NTRK2: variants seen among roughly 807,000 people sequenced by gnomAD.
NTRK2 encodes neurotrophic receptor tyrosine kinase 2.
NTRK2 carries 13 observed loss-of-function variants against 94.5 expected under a neutral mutation model. The observed-to-expected ratio is 0.14, with a 90% confidence interval of 0.09 to 0.22. The LOEUF (loss-of-function observed/expected upper bound fraction) is 0.22. Among genes scored for constraint, NTRK2 ranks in the 10% least tolerant of loss-of-function variants. The pLI, the probability that NTRK2 is intolerant of heterozygous loss-of-function variation, is 1.00. For missense variants in NTRK2, 639 were observed against 1,071.2 expected (o/e 0.60, Z 5.63); for synonymous variants, 372 against 407.4 (o/e 0.91, Z 1.05).
intron 12 of NTRK2, among the ~76,000 whole-genome samples, chr9:84,835,860 C>G (rs1330079871): frequency 6.6e-6 from 1 of 152,136 alleles, no homozygotes; most frequent in Non-Finnish European, 1.5e-5. Flanking sequence ...CGGCATTTCC[C>G]CTGCAATGCC....
chr9:84,754,190 C>A (rs1449512092), intron 12 of NTRK2, among the ~76,000 whole-genome samples: 1 of 151,868 alleles, frequency 6.6e-6, no homozygotes, highest in East Asian at 1.9e-4. Context: ...TTAACCCTGC[C>A]ACAGAGCCAG....
At chr9:84,711,999 T>C (rs1052462582) in intron 6 of NTRK2, among the ~76,000 whole-genome samples, 6 of 152,240 alleles carry the variant, frequency 3.9e-5, no homozygotes, top group African/African-American at 7.2e-5. Context: ...GTAACTGTTC[T>C]CTGTTCTGGT....
chr9:84,857,354 T>G (rs1384860232), intron 12 of NTRK2, among the ~76,000 whole-genome samples: 1 of 152,170 alleles, frequency 6.6e-6, no homozygotes, highest in Admixed American at 6.5e-5. Flanking sequence ...TATTTTGCAG[T>G]GAATAAAGTG....
chr9:84,759,410 T>C (rs972936328), intron 12 of NTRK2, among the ~76,000 whole-genome samples: 1 of 152,262 alleles, frequency 6.6e-6, no homozygotes, highest in Non-Finnish European at 1.5e-5. Flanking sequence ...GCCTTTAGCC[T>C]TGTAGGTGGA....
intron 16 of NTRK2, among the ~76,000 whole-genome samples, chr9:84,950,681 G>A (rs1018387020): frequency 6.6e-6 from 1 of 152,130 alleles, no homozygotes; most frequent in Non-Finnish European, 1.5e-5. Context: ...TAATAGGAAA[G>A]TTGTTAAAGG....
At chr9:84,989,690 G>GGTTC (rs1564529711) in intron 17 of NTRK2, among the ~76,000 whole-genome samples, 1 of 152,192 alleles carries the variant, frequency 6.6e-6, no homozygotes, top group African/African-American at 2.4e-5. Flanking sequence ...TCCAAAAGCC[G>GGTTC]CAGAGCAGAA....
intron 12 of NTRK2, among the ~76,000 whole-genome samples, chr9:84,804,248 G>A (rs1588712451): frequency 6.6e-6 from 1 of 151,888 alleles, no homozygotes; most frequent in East Asian, 1.9e-4. Context: ...CATGCTTGAG[G>A]GGTCTGAGGC....
At chr9:84,876,878 G>T in intron 14 of NTRK2, 1 of 1,062,758 alleles carries the variant, frequency 9.4e-7, no homozygotes, top group Non-Finnish European at 1.1e-6. Flanking sequence ...TTTGTTCTGG[G>T]TTGATGGCAA....
chr9:84,723,728 T>C lies in NTRK2; in HGVS notation c.720+19T>C. On this transcript the variant is annotated intron_variant, in intron 7 of 18. Coordinates refer to ENST00000277120, the MANE Select transcript of NTRK2 (RefSeq NM_006180.6). ...ACATATGGTAAGGCTTGTGTTTGGC[T>C]GTGTCTTAATAGAGAGACAAGAGTG... 6.2e-7 allele frequency: 1 copy of C among 1,614,058 alleles called. No homozygotes were observed. Among genetic ancestry groups the C allele is most frequent in the Non-Finnish European group, 8.5e-7 (1 of 1,179,888 alleles).
At chr9:84,882,314 C>A (rs2076278163) in intron 14 of NTRK2, among the ~76,000 whole-genome samples, 1 of 152,098 alleles carries the variant, frequency 6.6e-6, no homozygotes, top group Non-Finnish European at 1.5e-5. Flanking sequence ...TCATTTAAAT[C>A]CTGAAATTTC....
chr9:84,904,459 A>G (rs886355955), intron 14 of NTRK2, among the ~76,000 whole-genome samples: 1 of 152,194 alleles, frequency 6.6e-6, no homozygotes, highest in Non-Finnish European at 1.5e-5. Flanking sequence ...ACACCAACAT[A>G]ATATTTTATC....
intron 12 of NTRK2, among the ~76,000 whole-genome samples, chr9:84,797,601 ATT>A (rs2069546187): frequency 1.2e-5 from 1 of 82,528 alleles, no homozygotes; most frequent in South Asian, 2.9e-4. Context: ...TATACTATAT[ATT>A]ATATATAATA....
rs199786618 is a variant in NTRK2, at chr9:84,810,888, G to A, written c.1397-50152G>A. On this transcript the variant is annotated intron_variant, in intron 12 of 18. Coordinates refer to ENST00000277120, the MANE Select transcript of NTRK2 (RefSeq NM_006180.6). ...TACAAAACTGAAATGAAATCCCATT[G>A]GATTGTACTTCTCTTCTGAAAAGTG... The A allele has an allele frequency of 3.5e-5, 43 of 1,243,878 alleles. 1 individual carries two copies. In the East Asian group the frequency reaches 1.2e-3, roughly 34 times the overall value. 77.1% of individuals were successfully genotyped at this position (1,243,878 alleles called of 1,614,324 possible).
chr9:84,982,575 CA>C (rs1268159092), intron 17 of NTRK2, among the ~76,000 whole-genome samples: 1 of 152,190 alleles, frequency 6.6e-6, no homozygotes. Context: ...ATCTAAGGTC[CA>C]TCTTATCCTC....
intron 12 of NTRK2, chr9:84,812,021 G>T: frequency 9.5e-7 from 1 of 1,050,418 alleles, no homozygotes; most frequent in Non-Finnish European, 1.1e-6. Flanking sequence ...GCACACAGAC[G>T]CCATAGCTGG....
intron 14 of NTRK2, among the ~76,000 whole-genome samples, chr9:84,869,344 C>A (rs1194260780): frequency 6.6e-6 from 1 of 152,078 alleles, no homozygotes; most frequent in Non-Finnish European, 1.5e-5. Flanking sequence ...CTGCACCCAA[C>A]CGCAATGTCC....
intron 12 of NTRK2, among the ~76,000 whole-genome samples, chr9:84,852,697 G>A (rs2074840909): frequency 6.6e-6 from 1 of 152,186 alleles, no homozygotes; most frequent in Non-Finnish European, 1.5e-5. Context: ...TGAATAAAAT[G>A]TAGACTCACT....
chr9:84,869,698 A>G (rs4877289), intron 14 of NTRK2, among the ~76,000 whole-genome samples: 64,100 of 151,884 alleles, frequency 0.42, 14,327 homozygotes, highest in South Asian at 0.54. Context: ...CTGTTGAACC[A>G]TTCCTTCATA....
intron 14 of NTRK2, among the ~76,000 whole-genome samples, chr9:84,909,297 A>ATCACAGTT (rs1461198963): frequency 2.6e-5 from 4 of 152,178 alleles, no homozygotes; most frequent in Non-Finnish European, 4.4e-5. Context: ...GTATAAATGT[A>ATCACAGTT]TCACAGTTTG....
Sources: gnomAD v4.1 joint callset for allele counts (sites outside exome capture counted in the v4.1 genomes callset) on GRCh38, gnomAD v4.1.1 for gene constraint, MANE v1.5 for transcripts, NCBI Gene and HGNC (gene_info 2026-07-23, HGNC 2026-07-21) for gene names.